The following NVL variants were observed in gnomAD, a reference collection of about 807,000 sequenced individuals.
NVL encodes the protein nuclear valosin-containing protein-like.
Under a neutral mutation model 110.2 loss-of-function variants are expected in NVL, and 84 were observed. The observed-to-expected ratio is 0.76, with a 90% CI of 0.64 to 0.91. The LOEUF is 0.91. Ranked by LOEUF, NVL falls within the 40% of genes least tolerant of loss-of-function variation. The pLI is 0.00. For missense variants in NVL, 882 were observed against 1,035.9 expected, an observed-to-expected ratio of 0.85 and a Z score of 2.04; for synonymous variants, 354 against 361.1, an observed-to-expected ratio of 0.98 and a Z score of 0.22.
chr1:224,289,712 T>C lies in NVL; in HGVS notation c.1347A>G (p.Arg449=). The C allele has an allele frequency of 6.2e-7, 1 of 1,614,010 alleles. No homozygotes were observed. Among genetic ancestry groups the C allele is most frequent in the Non-Finnish European group, 8.5e-7 (1 of 1,179,916 alleles). ...SRERILQTLC[R]KLRLPQAFDF... ...CAAAAGCTTGAGGAAGCCTCAGTTTTCTGCACAATGTTTGAAGTATTCTGT... is the reference window on the plus strand; with the variant it reads ...CAAAAGCTTGAGGAAGCCTCAGTTTCCTGCACAATGTTTGAAGTATTCTGT... Residue 449 remains arginine (R), a synonymous_variant, in exon 13 of 23, where the codon AGA becomes AGG. Coordinates refer to ENST00000281701, the MANE Select transcript of NVL (RefSeq NM_002533.4).
intron 19 of NVL, among the ~76,000 whole-genome samples, chr1:224,237,257 C>T (rs1000208753): frequency 8.5e-5 from 13 of 152,252 alleles, no homozygotes; most frequent in African/African-American, 1.4e-4. Context: ...CTGGCTAGGA[C>T]GGAAGAAATA....
intron 17 of NVL, among the ~76,000 whole-genome samples, chr1:224,268,918 C>T (rs1664768721): frequency 6.6e-6 from 1 of 152,096 alleles, no homozygotes; most frequent in African/African-American, 2.4e-5. Context: ...CTCGGCCTCC[C>T]AAAGTGCTGG....
At chr1:224,235,327 C>T (rs953871677) in intron 20 of NVL, among the ~76,000 whole-genome samples, 1 of 151,926 alleles carries the variant, frequency 6.6e-6, no homozygotes, top group Non-Finnish European at 1.5e-5. Flanking sequence ...ACTACCATGC[C>T]CGGCTAATTT....
chr1:224,286,254 A>G (rs1666855546), intron 14 of NVL, 124 bp from the exon 15 acceptor site: 8 of 694,222 alleles, frequency 1.2e-5, no homozygotes, highest in Non-Finnish European at 1.7e-5. Flanking sequence ...TCACCCAGCT[A>G]GAGTGCAGTG....
chr1:224,237,730 C>CTT (rs775411063), intron 19 of NVL, among the ~76,000 whole-genome samples: 7 of 130,100 alleles, frequency 5.4e-5, no homozygotes, highest in African/African-American at 8.6e-5. Flanking sequence ...TGCCTGGCTA[C>CTT]TTTTTTTTTT....
intron 12 of NVL, among the ~76,000 whole-genome samples, chr1:224,290,462 G>A (rs945506792): frequency 6.6e-6 from 1 of 151,910 alleles, no homozygotes; most frequent in African/African-American, 2.4e-5. Flanking sequence ...TTTGAGATTA[G>A]CCTGGCCAAC....
At chr1:224,273,772 C>T (rs913195639) in intron 17 of NVL, among the ~76,000 whole-genome samples, 3 of 152,060 alleles carry the variant, frequency 2.0e-5, no homozygotes, top group African/African-American at 7.2e-5. Context: ...GCTCCATAGC[C>T]CACAGTAGAC....
chr1:224,240,885 G>C (rs996636386), intron 19 of NVL, among the ~76,000 whole-genome samples: 4 of 150,432 alleles, frequency 2.7e-5, no homozygotes, highest in African/African-American at 9.8e-5. Context: ...CCGCCTCCCG[G>C]GTTCAAGAGA....
chr1:224,260,202 G>A (rs1663806385), intron 18 of NVL, among the ~76,000 whole-genome samples: 1 of 152,152 alleles, frequency 6.6e-6, no homozygotes, highest in African/African-American at 2.4e-5. Flanking sequence ...TGGAACTTCA[G>A]TGGTAAATAT....
At chr1:224,257,236 A>T (rs1663379812) in intron 18 of NVL, 2 of 427,814 alleles carry the variant, frequency 4.7e-6, no homozygotes, top group African/African-American at 4.2e-5. Flanking sequence ...CTGAAAAAGA[A>T]CCCTCCTTTC....
At position 224,275,235 on chromosome 1, in the gene NVL, T is replaced by C. The variant is rs542124019; in HGVS notation, c.2082+104A>G. 56 of 1,327,426 alleles carry C rather than the reference T, an allele frequency of 4.2e-5. No individual in the cohort carries two copies. In the African/African-American group the frequency reaches 7.1e-4, roughly 17 times the overall value. The allele number at this position is 1,327,426 out of a possible 1,614,324, so 82.2% of individuals were successfully genotyped here. A position where few individuals can be genotyped will look rare whatever the true frequency, so the allele number is the denominator to read the frequency against. On this transcript the variant is annotated intron_variant, in intron 17 of 22. Transcript: ENST00000281701. ...TTACTAAGTGTCTTCATTAAGAGTC[T>C]CAATGCTCCCAAGGGATGACTTCAT...
intron 13 of NVL, 132 bp downstream of exon 13, chr1:224,289,352 G>T (rs942016270): frequency 1.3e-6 from 1 of 794,846 alleles, no homozygotes; most frequent in East Asian, 2.8e-5. Flanking sequence ...GGGTATAAAT[G>T]ATAAGTATTC....
chr1:224,262,424 T>C (rs2102803712), intron 18 of NVL, among the ~76,000 whole-genome samples: 1 of 152,262 alleles, frequency 6.6e-6, no homozygotes, highest in Admixed American at 6.5e-5. Context: ...CAAAAAAATC[T>C]ACTTCCTACA....
chr1:224,275,412 GC>G lies in NVL; in HGVS notation c.2008del (p.Ala670ProfsTer8). 1 of 1,614,092 alleles carries G rather than the reference GC, an allele frequency of 6.2e-7. No homozygotes were observed. The highest frequency in any genetic ancestry group is 8.5e-7 in the Non-Finnish European group (1 of 1,180,024). ...TATCACACAGGGTGCTGAGTTCTTG[GC>G]TCGTTGAAAAACTTGTCGCACAGCA... Reference protein sequence around the residue: ...ERAVRQVFQRAKNSAPCVIFF... With the variant: ...ERAVRQVFQRXKNSAPCVIFF... On this transcript the variant is annotated frameshift_variant, in exon 17 of 23. Transcript: ENST00000281701. LOFTEE classifies it high-confidence loss of function.
intron 12 of NVL, 85 bp from the exon 13 acceptor site, chr1:224,289,818 C>A: frequency 7.5e-7 from 1 of 1,329,392 alleles, no homozygotes. Context: ...TGAAGTCCTT[C>A]ACGTCTGCCA....
chr1:224,227,762 C>T, intron 22 of NVL, 92 bp from the exon 23 acceptor site: 3 of 1,126,196 alleles, frequency 2.7e-6, no homozygotes, highest in Non-Finnish European at 3.9e-6. Context: ...GCAGTCCGCA[C>T]CCGCAGGACC....
intron 6 of NVL, among the ~76,000 whole-genome samples, chr1:224,305,634 T>A (rs181125484): frequency 1.3e-3 from 201 of 152,390 alleles, no homozygotes; most frequent in Non-Finnish European, 2.2e-3. Flanking sequence ...CTCAGCTCAC[T>A]GCAACCTCCA....
chr1:224,242,032 CA>C (rs922580258), intron 19 of NVL, among the ~76,000 whole-genome samples: 1,714 of 136,464 alleles, frequency 0.013, 28 homozygotes, highest in African/African-American at 0.04. Flanking sequence ...AACTCCGTCT[CA>C]AAAAAAAAAA....
chr1:224,267,353 GA>G (rs1664592345), intron 18 of NVL, among the ~76,000 whole-genome samples: 7 of 152,112 alleles, frequency 4.6e-5, no homozygotes, highest in Admixed American at 4.6e-4. Flanking sequence ...AAGCTAGAGA[GA>G]AACCACAAAA....
Sources: gnomAD v4.1 joint callset for allele counts (sites outside exome capture counted in the v4.1 genomes callset) on GRCh38, gnomAD v4.1.1 for gene constraint, MANE v1.5 for transcripts, NCBI Gene and HGNC (gene_info 2026-07-23, HGNC 2026-07-21) for gene names.